Variants in ARSA observed in about 807,000 individuals in gnomAD.
The protein encoded by ARSA is cerebroside-sulfatase.
In ARSA, 32 loss-of-function variants were observed where a neutral mutation model predicts 37.8. That is an observed-to-expected ratio of 0.85 (90% CI 0.64 to 1.14). The LOEUF (loss-of-function observed/expected upper bound fraction) is 1.14, where lower values mean the gene tolerates loss of function less well. Ranked by LOEUF, ARSA falls within the 50% of genes most tolerant of loss-of-function variation. The probability of loss-of-function intolerance (pLI) is 0.00; values close to 1 mark genes in which losing one functional copy is unlikely to be tolerated. For synonymous variants in ARSA, 303 were observed against 303.4 expected, an observed-to-expected ratio of 1.00 and a Z score of 0.01; for missense variants, 685 against 686.3, an observed-to-expected ratio of 1.00 and a Z score of 0.02.
intron 1 of ARSA, 65 bp downstream of exon 1, chr22:50,627,491 T>G (rs2082695984): frequency 6.3e-7 from 1 of 1,584,758 alleles, no homozygotes; most frequent in South Asian, 1.1e-5. Context: ...CCCGCCCCCC[T>G]GCAATCCATT....
chr22:50,627,487 C>T (rs985055865), intron 1 of ARSA, 69 bp downstream of exon 1: 2 of 1,587,416 alleles, frequency 1.3e-6, no homozygotes, highest in East Asian at 2.3e-5. Flanking sequence ...TTTTCCCGCC[C>T]CCCTGCAATC....
chr22:50,627,406 C>T lies in ARSA; in HGVS notation c.225G>A (p.Arg75=). The T allele has an allele frequency of 6.2e-7, 1 of 1,608,262 alleles. No individual in the cohort carries two copies. The highest frequency in any genetic ancestry group is 1.1e-5 in the South Asian group (1 of 90,690). The change falls in exon 2 of 8, where the codon AGG becomes AGA. Residue 75 remains arginine (R), a splice_region_variant and synonymous_variant. Transcript: ENST00000216124. ...YVPVSLCTPS[R]AALLTGRLPV... ...GGAGCCGGCCGGTCAGGAGGGCGGC[C>T]CTGCGGGACAAGTCACAGAGTCCCT...
In ARSA at chr22:50,622,840, T is replaced by A. The variant is rs956736493; in HGVS notation, c.*2305A>T. On this transcript the variant is annotated 3_prime_UTR_variant, in exon 8 of 8. Transcript: ENST00000216124. Reference sequence around the variant, plus strand: ...ACACTGGGTTAGCAGCTGCCCAGTGTCCAATCAGGGCCTGTGACGGCTGCG... The same window carrying A: ...ACACTGGGTTAGCAGCTGCCCAGTGACCAATCAGGGCCTGTGACGGCTGCG... 1 of 152,176 alleles carries A rather than the reference T, an allele frequency of 6.6e-6. No homozygotes were observed. The highest frequency in any genetic ancestry group is 1.5e-5 in the Non-Finnish European group (1 of 68,092). The allele number at this position is 152,176 out of a possible 1,614,324, so 9.4% of individuals were successfully genotyped here. A position where few individuals can be genotyped will look rare whatever the true frequency, so the allele number is the denominator to read the frequency against.
Position 50,627,713 on chromosome 22 carries a change from GCGGAC to G in ARSA, c.62_66del (p.Arg21ProfsTer53). The G allele has an allele frequency of 1.3e-6, 2 of 1,554,856 alleles. No individual in the cohort carries two copies. Among genetic ancestry groups the G allele is most frequent in the Non-Finnish European group, 1.7e-6 (2 of 1,149,162 alleles). Reference sequence around the variant, plus strand: ...TCGGCAAAGATCAGCACGATGTTGGGCGGACGGGCAACGGCCAGGCCAGCAGCCAG... The same window carrying G: ...TCGGCAAAGATCAGCACGATGTTGGGGGGCAACGGCCAGGCCAGCAGCCAG... On this transcript the variant is annotated frameshift_variant, in exon 1 of 8. Transcript: ENST00000216124. LOFTEE classifies it high-confidence loss of function.
chr22:50,627,479 T>C, intron 1 of ARSA, 73 bp from the exon 2 acceptor site: 2 of 1,594,888 alleles, frequency 1.3e-6, no homozygotes, highest in Non-Finnish European at 1.7e-6. Flanking sequence ...ACAGACGTTT[T>C]TCCCGCCCCC....
intron 1 of ARSA, 64 bp downstream of exon 1, chr22:50,627,492 G>C: frequency 6.3e-7 from 1 of 1,584,892 alleles, no homozygotes; most frequent in Non-Finnish European, 8.6e-7. Context: ...CCGCCCCCCT[G>C]CAATCCATTG....
rs1403254325 is a variant in ARSA, at chr22:50,628,082, G to C, written c.-303C>G. 1.5e-5 allele frequency: 6 copies of C among 403,694 alleles called. No homozygotes were observed. The highest frequency in any genetic ancestry group is 1.2e-4 in the African/African-American group (6 of 49,330). 25.0% of individuals were successfully genotyped at this position (403,694 alleles called of 1,614,324 possible). ...AAGTCACTTGGCGCTGACCAGCGGA[G>C]TCGGGCCGGGGGGAAGGCGCTAGAG... On this transcript the variant is annotated 5_prime_UTR_variant, in exon 1 of 8. Coordinates refer to ENST00000216124, the MANE Select transcript of ARSA (RefSeq NM_000487.6).
intron 2 of ARSA, 28 bp downstream of exon 2, chr22:50,627,138 G>A: frequency 6.3e-7 from 1 of 1,598,316 alleles, no homozygotes; most frequent in East Asian, 2.2e-5. Flanking sequence ...GAGGTGGGAG[G>A]GTGGCTGAGG....
chr22:50,628,042 C>G lies in ARSA; in HGVS notation c.-263G>C. The stretch of plus-strand genomic sequence containing the variant: ...TCCTCCTCGCCTAGCGGTCCGGGCT[C>G]AGGGTCGGGGGCGTAAGTCACTTGG... On this transcript the variant is annotated 5_prime_UTR_variant, in exon 1 of 8. Coordinates refer to ENST00000216124, the MANE Select transcript of ARSA (RefSeq NM_000487.6). 2.1e-6 allele frequency: 1 copy of G among 482,200 alleles called. No individual in the cohort carries two copies. The highest frequency in any genetic ancestry group is 3.7e-6 in the Non-Finnish European group (1 of 267,042). 29.9% of individuals were successfully genotyped at this position (482,200 alleles called of 1,614,324 possible). A position where few individuals can be genotyped will look rare whatever the true frequency, so the allele number is the denominator to read the frequency against.
Position 50,626,632 on chromosome 22 carries a change from C to T in ARSA, c.813G>A (p.Gly271=). 6.2e-7 allele frequency: 1 copy of T among 1,614,078 alleles called. No individual in the cohort carries two copies. Among genetic ancestry groups the T allele is most frequent in the East Asian group, 2.2e-5 (1 of 44,884 alleles). Reference sequence around the variant, plus strand: ...AGATGACCAGCGTCTCTTCAAGCAGCCCCAGGTCCCCTATGGCTGTCATCA... The same window carrying T: ...AGATGACCAGCGTCTCTTCAAGCAGTCCCAGGTCCCCTATGGCTGTCATCA... ...GTLMTAIGDL[G]LLEETLVIFT... The change falls in exon 4 of 8, where the codon GGG becomes GGA. Residue 271 remains glycine, a synonymous_variant. Coordinates refer to ENST00000216124, the MANE Select transcript of ARSA (RefSeq NM_000487.6).
chr22:50,627,537 G>C lies in ARSA; in HGVS notation c.224+19C>G. The C allele has an allele frequency of 1.9e-6, 3 of 1,561,682 alleles. No homozygotes were observed. Among genetic ancestry groups the C allele is most frequent in the Non-Finnish European group, 2.6e-6 (3 of 1,152,942 alleles). ...GGATGGAGGGTCGGGGCGGGGAAGA[G>C]GCGCGGCCCCCTCTTTACCTAGAGG... On this transcript the variant is annotated intron_variant, in intron 1 of 7. Transcript: ENST00000216124.
In ARSA at chr22:50,625,320, G is replaced by C; in HGVS notation, c.1355C>G (p.Pro452Arg). The C allele has an allele frequency of 6.2e-7, 1 of 1,612,754 alleles. No individual in the cohort carries two copies. Among genetic ancestry groups the C allele is most frequent in the Non-Finnish European group, 8.5e-7 (1 of 1,179,742 alleles). The change falls in exon 8 of 8, where the codon CCA becomes CGA. Residue 452 changes from proline (P) to arginine (R), a missense_variant. Coordinates refer to ENST00000216124, the MANE Select transcript of ARSA (RefSeq NM_000487.6). ...NLLGGVAGAT[P>R]EVLQALKQLQ... ...CTGTTTCAGGGCTTGCAGCACCTCT[G>C]GGGTGGCCCCGGCCACACCCCCCAG...
rs1257271445 is a variant in ARSA at position 50,625,043 on chromosome 22, G to A, written c.*102C>T. The A allele has an allele frequency of 2.1e-5, 27 of 1,292,396 alleles. No homozygotes were observed. The highest frequency in any genetic ancestry group is 2.8e-5 in the Admixed American group (1 of 35,340). The allele number at this position is 1,292,396 out of a possible 1,614,324, so 80.1% of individuals were successfully genotyped here. On this transcript the variant is annotated 3_prime_UTR_variant, in exon 8 of 8. Coordinates refer to ENST00000216124, the MANE Select transcript of ARSA (RefSeq NM_000487.6). ...TTGTCACATCTGCAAGTCTCCACTG[G>A]TGTTATTACGTTATCAGGCACAAAC...
chr22:50,625,395 G>A lies in ARSA; in HGVS notation c.1280C>T (p.Pro427Leu). 1 of 1,599,804 alleles carries A rather than the reference G, an allele frequency of 6.3e-7. No homozygotes were observed. The highest frequency in any genetic ancestry group is 1.3e-5 in the African/African-American group (1 of 74,780). ...CTTGGACAGGTCATAGAGCAGCGGG[G>A]GCTCATGAGCAGTCAGAGAGCTGGA... The part of the protein sequence containing the change: ...HASSSLTAHE[P>L]PLLYDLSKDP... The change falls in exon 8 of 8, where the codon CCC becomes CTC. Residue 427 changes from proline to leucine, a missense_variant. Physicochemically the swap from Pro to Leu is moderately conservative, Grantham distance 98 (BLOSUM62 -3). Transcript: ENST00000216124.
Position 50,625,469 on chromosome 22 carries a change from G to A in ARSA, c.1211-5C>T, listed in dbSNP as rs778131215. 3 of 1,605,722 alleles carry A rather than the reference G, an allele frequency of 1.9e-6. No homozygotes were observed. The Admixed American group carries it at 5.0e-5, about 27-fold the overall frequency. On this transcript the variant is annotated splice_polypyrimidine_tract_variant and splice_region_variant and intron_variant, in intron 7 of 7. Transcript: ENST00000216124. ...TGGTATCACTGTGGGCAGAGCCTGG[G>A]GAGGGGGCCAATTCTGTGCACAGGG... is the stretch of plus-strand genomic sequence containing the variant.
In ARSA at chr22:50,623,146, G is replaced by A. The variant is rs567207529; in HGVS notation, c.*1999C>T. On this transcript the variant is annotated 3_prime_UTR_variant, in exon 8 of 8. Transcript: ENST00000216124. ...GCTCCTCTCACTTGGCCAACACTGA[G>A]GGAGCACCTGGCGTGTGACTGGCCA... The A allele has an allele frequency of 2.0e-5, 3 of 152,382 alleles. No individual in the cohort carries two copies. In the South Asian group the frequency reaches 6.2e-4, roughly 32 times the overall value. The allele number at this position is 152,382 out of a possible 1,614,324, so 9.4% of individuals were successfully genotyped here.
In ARSA at chr22:50,623,898, CAAAAAAAAAAAAAAAAAAAA is replaced by C. The variant is rs131716; in HGVS notation, c.*1227_*1246del. ...TGGGCGACAGAGCGAGACTCCGTCT[CAAAAAAAAAAAAAAAAAAAA>C]AAAAAAAAAAAAAAAAAAAACAAAA... On this transcript the variant is annotated 3_prime_UTR_variant, in exon 8 of 8. Transcript: ENST00000216124. 4.2e-5 allele frequency: 6 copies of C among 141,864 alleles called. No individual in the cohort carries two copies. Among genetic ancestry groups the C allele is most frequent in the South Asian group, 4.4e-4 (2 of 4,528 alleles). 8.8% of individuals were successfully genotyped at this position (141,864 alleles called of 1,614,324 possible).
rs2082621239 is a variant in ARSA, at chr22:50,623,811, A to C, written c.*1334T>G. 1 of 150,298 alleles carries C rather than the reference A, an allele frequency of 6.7e-6. No individual in the cohort carries two copies. Among genetic ancestry groups the C allele is most frequent in the Non-Finnish European group, 1.5e-5 (1 of 67,714 alleles). The allele number at this position is 150,298 out of a possible 1,614,324, so 9.3% of individuals were successfully genotyped here. A position where few individuals can be genotyped will look rare whatever the true frequency, so the allele number is the denominator to read the frequency against. ...CTACTAGGGAGGCTGAGGCAGGAGA[A>C]TCCCTGGAACCCGGGAGGCGGAGGT... On this transcript the variant is annotated 3_prime_UTR_variant, in exon 8 of 8. Coordinates refer to ENST00000216124, the MANE Select transcript of ARSA (RefSeq NM_000487.6).
At position 50,627,918 on chromosome 22, in the gene ARSA, G is replaced by C; in HGVS notation, c.-139C>G. Reference sequence around the variant, plus strand: ...CCGACCCTGACGGCCGCCTCCTGAAGCTCCAGAGGGCCGGGGCCCGACAGT... The same window carrying C: ...CCGACCCTGACGGCCGCCTCCTGAACCTCCAGAGGGCCGGGGCCCGACAGT... On this transcript the variant is annotated 5_prime_UTR_variant, in exon 1 of 8. Transcript: ENST00000216124. 1.2e-6 allele frequency: 1 copy of C among 835,242 alleles called. No homozygotes were observed. Among genetic ancestry groups the C allele is most frequent in the Non-Finnish European group, 1.8e-6 (1 of 545,888 alleles). 51.7% of individuals were successfully genotyped at this position (835,242 alleles called of 1,614,324 possible). A position where few individuals can be genotyped will look rare whatever the true frequency, so the allele number is the denominator to read the frequency against.
Sources: gnomAD v4.1 joint callset for allele counts on GRCh38, gnomAD v4.1.1 for gene constraint, MANE v1.5 for transcripts, NCBI Gene and HGNC (gene_info 2026-07-23, HGNC 2026-07-21) for gene names.